Variants in CA10 observed in about 807,000 individuals in gnomAD.
The protein encoded by CA10 is carbonic anhydrase-related protein 10.
CA10 carries 14 observed loss-of-function variants against 44.2 expected under a neutral mutation model. That is an observed-to-expected ratio of 0.32 (90% CI 0.21 to 0.50). CA10 has a LOEUF of 0.50. CA10 is among the 20% of genes least tolerant of loss of function. The probability of loss-of-function intolerance (pLI) is 0.99; values close to 1 mark genes in which losing one functional copy is unlikely to be tolerated. For synonymous variants in CA10, 159 were observed against 141.6 expected (o/e 1.12, Z -0.87); for missense variants, 350 against 409.7 (o/e 0.85, Z 1.26).
At chr17:51,792,129 G>C (rs1452915929) in intron 3 of CA10, among the ~76,000 whole-genome samples, 3 of 152,112 alleles carry the variant, frequency 2.0e-5, no homozygotes, top group African/African-American at 7.2e-5. Flanking sequence ...AGCTATCACA[G>C]GTAATTCTCA....
At chr17:51,941,349 G>A (rs1983071136) in intron 2 of CA10, among the ~76,000 whole-genome samples, 1 of 152,138 alleles carries the variant, frequency 6.6e-6, no homozygotes, top group Admixed American at 6.6e-5. Flanking sequence ...GGTTGACGTA[G>A]GCATTAAGCT....
intron 1 of CA10, among the ~76,000 whole-genome samples, chr17:52,080,131 T>A (rs542100299): frequency 6.6e-6 from 1 of 152,298 alleles, no homozygotes; most frequent in East Asian, 1.9e-4. Context: ...ATTACTTTCA[T>A]CTAAAATGCT....
At chr17:51,982,613 T>C (rs1375756796) in intron 2 of CA10, among the ~76,000 whole-genome samples, 2 of 151,916 alleles carry the variant, frequency 1.3e-5, no homozygotes, top group African/African-American at 4.8e-5. Context: ...AAGACTCCTT[T>C]ATGTCTCTTT....
At chr17:51,794,771 A>G (rs190999835) in intron 3 of CA10, among the ~76,000 whole-genome samples, 93 of 152,358 alleles carry the variant, frequency 6.1e-4, no homozygotes, top group Middle Eastern at 3.4e-3. Context: ...GAAATTAAAA[A>G]CTAAAGAGTA....
intron 3 of CA10, among the ~76,000 whole-genome samples, chr17:51,796,899 C>T (rs1039474644): frequency 4.6e-5 from 7 of 152,178 alleles, no homozygotes; most frequent in African/African-American, 1.7e-4. Flanking sequence ...CTTCTATAAA[C>T]TATAGAATAG....
At chr17:51,705,317 T>C (rs531335023) in intron 4 of CA10, among the ~76,000 whole-genome samples, 1 of 152,298 alleles carries the variant, frequency 6.6e-6, no homozygotes, top group South Asian at 2.1e-4. Context: ...GGCTTCTATA[T>C]ATACACATAG....
intron 3 of CA10, among the ~76,000 whole-genome samples, chr17:51,847,448 G>T (rs1978544322): frequency 6.6e-6 from 1 of 152,122 alleles, no homozygotes; most frequent in Non-Finnish European, 1.5e-5. Flanking sequence ...GTCTGTTATT[G>T]CAGTGTACCC....
At chr17:51,663,654 G>A (rs540634429) in intron 4 of CA10, among the ~76,000 whole-genome samples, 12 of 152,316 alleles carry the variant, frequency 7.9e-5, no homozygotes, top group African/African-American at 2.6e-4. Flanking sequence ...ATGGGATAAA[G>A]GAGGCTTCAA....
At chr17:51,707,523 A>C (rs1396629100) in intron 4 of CA10, among the ~76,000 whole-genome samples, 1 of 152,222 alleles carries the variant, frequency 6.6e-6, no homozygotes, top group Non-Finnish European at 1.5e-5. Flanking sequence ...GATGTGCATT[A>C]ATAGCCAAAA....
chr17:51,630,343 A>T lies in CA10; in HGVS notation c.*1241T>A, dbSNP rs1422282413. On this transcript the variant is annotated 3_prime_UTR_variant, in exon 9 of 9. Coordinates refer to ENST00000451037, the MANE Select transcript of CA10 (RefSeq NM_020178.5). ...GGTAACTTGTTAAACACATTTATTGATTTCTTGACAGTAACCAAACACAGT... is the reference window on the plus strand; with the variant it reads ...GGTAACTTGTTAAACACATTTATTGTTTTCTTGACAGTAACCAAACACAGT... 6.6e-6 allele frequency: 1 copy of T among 152,612 alleles called. No homozygotes were observed. Among genetic ancestry groups the T allele is most frequent in the Non-Finnish European group, 1.5e-5 (1 of 68,024 alleles). 9.5% of individuals were successfully genotyped at this position (152,612 alleles called of 1,614,324 possible). A position where few individuals can be genotyped will look rare whatever the true frequency, so the allele number is the denominator to read the frequency against.
chr17:52,116,287 T>C (rs910993193), intron 1 of CA10, among the ~76,000 whole-genome samples: 2 of 152,124 alleles, frequency 1.3e-5, no homozygotes, highest in Non-Finnish European at 2.9e-5. Flanking sequence ...GGACCCCAAT[T>C]CACAAGATGC....
chr17:51,692,393 A>G (rs1421820125), intron 4 of CA10, among the ~76,000 whole-genome samples: 1 of 128,824 alleles, frequency 7.8e-6, no homozygotes, highest in Admixed American at 8.1e-5. Context: ...CTATCTATCT[A>G]TCTATCTATC....
intron 4 of CA10, among the ~76,000 whole-genome samples, chr17:51,706,978 C>T (rs979343039): frequency 6.6e-6 from 1 of 152,206 alleles, no homozygotes; most frequent in Non-Finnish European, 1.5e-5. Flanking sequence ...TCATCCCCTA[C>T]TTTATTTTAC....
At chr17:51,676,252 G>A (rs1371632586) in intron 4 of CA10, among the ~76,000 whole-genome samples, 2 of 152,232 alleles carry the variant, frequency 1.3e-5, no homozygotes, top group Non-Finnish European at 2.9e-5. Context: ...CAGGCCCCGA[G>A]TTGAAGAGTT....
intron 3 of CA10, among the ~76,000 whole-genome samples, chr17:51,900,615 T>C (rs1013441107): frequency 2.0e-5 from 3 of 152,226 alleles, no homozygotes; most frequent in Non-Finnish European, 2.9e-5. Context: ...TCTTCAAGTA[T>C]ATTTTCCAAG....
At chr17:51,973,906 A>G (rs1166391138) in intron 2 of CA10, among the ~76,000 whole-genome samples, 1 of 152,218 alleles carries the variant, frequency 6.6e-6, no homozygotes, top group Non-Finnish European at 1.5e-5. Flanking sequence ...GATGTGGATA[A>G]GACTGATGCT....
Position 51,703,799 on chromosome 17 carries a change from G to T in CA10, c.465+43834C>A, listed in dbSNP as rs76198518. ...AAGTTTTTAAAATTCAATTTGGAAA[G>T]TTAGCAAGCTAGGCTCCTTTCCAGG... On this transcript the variant is annotated intron_variant, in intron 4 of 8. Transcript: ENST00000451037. Among the ~76,000 whole-genome samples, 1,042 of 152,318 alleles carry T rather than the reference G, an allele frequency of 6.8e-3. 16 individuals are homozygous for T. Among genetic ancestry groups the T allele is most frequent in the African/African-American group, 0.024 (1,006 of 41,578 alleles).
chr17:51,868,396 T>A (rs1258230453), intron 3 of CA10, among the ~76,000 whole-genome samples: 1 of 152,176 alleles, frequency 6.6e-6, no homozygotes, highest in Non-Finnish European at 1.5e-5. Flanking sequence ...AGAAGGTGCT[T>A]ACTGCTTTAA....
intron 2 of CA10, among the ~76,000 whole-genome samples, chr17:51,962,196 A>G (rs1332626785): frequency 6.6e-6 from 1 of 152,248 alleles, no homozygotes; most frequent in African/African-American, 2.4e-5. Context: ...GATGAGGCAG[A>G]TAACCAGGCA....
Sources: allele counts gnomAD v4.1 joint callset (sites outside exome capture counted in the v4.1 genomes callset), GRCh38; gene constraint gnomAD v4.1.1; transcripts MANE v1.5; gene names NCBI Gene and HGNC (gene_info 2026-07-23, HGNC 2026-07-21).